The following GSE1 variants were observed in gnomAD, a reference collection of about 807,000 sequenced individuals.
GSE1 encodes genetic suppressor element 1.
Under a neutral mutation model 112.6 loss-of-function variants are expected in GSE1, and 32 were observed. That is an observed-to-expected ratio of 0.28 (90% CI 0.21 to 0.38). The LOEUF is 0.38. Ranked by LOEUF, GSE1 falls within the 10% of genes least tolerant of loss-of-function variation. GSE1 has a pLI of 1.00. For missense variants in GSE1, 2,348 were observed against 1,699.2 expected (o/e 1.38, Z -6.71); for synonymous variants, 1,115 against 735.6 (o/e 1.52, Z -8.35).
In GSE1 at chr16:85,182,799, T is replaced by C. The variant is rs2074617471; in HGVS notation, c.2283+10992T>C. Among the ~76,000 whole-genome samples, 4 of 152,006 alleles carry C rather than the reference T, an allele frequency of 2.6e-5. No homozygotes were observed. In the South Asian group the frequency reaches 8.3e-4, roughly 32 times the overall value. Reference sequence around the variant, plus strand: ...GTGGATTGTTGACGGCTGCATGAGATGGGAGTGAAGCCCCTCCTGCCCCAG... The same window carrying C: ...GTGGATTGTTGACGGCTGCATGAGACGGGAGTGAAGCCCCTCCTGCCCCAG... On this transcript the variant is annotated intron_variant, in intron 1 of 2. Transcript: ENST00000637419.
chr16:85,656,986 A>G (rs1431676004), intron 7 of GSE1, among the ~76,000 whole-genome samples: 1 of 152,222 alleles, frequency 6.6e-6, no homozygotes, highest in African/African-American at 2.4e-5. Flanking sequence ...CAGCTTTTGC[A>G]TGTTTCCCGG....
At chr16:85,613,122 T>G, upstream of GSE1, 3 of 1,134,240 alleles carry the variant, frequency 2.6e-6, no homozygotes, top group South Asian at 4.0e-5. Flanking sequence ...GCCTGTGTGT[T>G]TGCGGCTGAA....
chr16:85,459,391 G>T (rs1469765680), intron 2 of GSE1, among the ~76,000 whole-genome samples: 1 of 152,216 alleles, frequency 6.6e-6, no homozygotes, highest in Admixed American at 6.5e-5. Flanking sequence ...AGTGACTTTG[G>T]GTTTCAGCTC....
In GSE1 at chr16:85,673,955, C is replaced by A. The variant is rs1355456964; in HGVS notation, c.*1416C>A. ...CTGAGCTGAACCCCTCCTTTTTGAACTTACTGTGACAAGCACAGGAACGGT... is the reference window on the plus strand; with the variant it reads ...CTGAGCTGAACCCCTCCTTTTTGAAATTACTGTGACAAGCACAGGAACGGT... On this transcript the variant is annotated 3_prime_UTR_variant, in exon 16 of 16. Transcript: ENST00000253458. 6.6e-6 allele frequency: 1 copy of A among 152,288 alleles called. No individual in the cohort carries two copies. Among genetic ancestry groups the A allele is most frequent in the Non-Finnish European group, 1.5e-5 (1 of 68,054 alleles). The allele number at this position is 152,288 out of a possible 1,614,324, so 9.4% of individuals were successfully genotyped here.
At chr16:85,170,037 C>T (rs1465266855) in exon 1 of GSE1, 2 of 984,674 alleles carry the variant, frequency 2.0e-6, no homozygotes, top group Non-Finnish European at 2.4e-6. Context: ...CGCGAGACTC[C>T]GACCTGTCGG....
intron 2 of GSE1, among the ~76,000 whole-genome samples, chr16:85,388,296 A>G (rs866043057): frequency 0.021 from 348 of 16,508 alleles, 29 homozygotes; most frequent in Non-Finnish European, 0.03. Context: ...GGGTGGGTGG[A>G]TGGATGGATG....
intron 1 of GSE1, among the ~76,000 whole-genome samples, chr16:85,354,435 G>A (rs2151566035): frequency 6.6e-6 from 1 of 152,358 alleles, no homozygotes; most frequent in Middle Eastern, 3.4e-3. Context: ...AAAAAGGGTT[G>A]TTTTCTCTTT....
intron 2 of GSE1, among the ~76,000 whole-genome samples, chr16:85,399,265 G>A (rs866185911): frequency 2.0e-5 from 3 of 152,126 alleles, no homozygotes; most frequent in Admixed American, 6.5e-5. Flanking sequence ...ATGGTAGGCT[G>A]CCTCGTCTGC....
At chr16:85,651,073 C>CT in intron 3 of GSE1, among the ~76,000 whole-genome samples, 1 of 130,418 alleles carries the variant, frequency 7.7e-6, no homozygotes, top group African/African-American at 2.9e-5. Flanking sequence ...CCCTCCGCCC[C>CT]TCCTCCCCCT....
intron 1 of GSE1, among the ~76,000 whole-genome samples, chr16:85,242,668 G>A (rs188161114): frequency 7.2e-5 from 11 of 152,290 alleles, no homozygotes; most frequent in Admixed American, 2.6e-4. Context: ...GGAGGTATAC[G>A]ACAGCGACCC....
At chr16:85,423,388 C>T (rs1330636716) in intron 2 of GSE1, among the ~76,000 whole-genome samples, 1 of 152,224 alleles carries the variant, frequency 6.6e-6, no homozygotes, top group Non-Finnish European at 1.5e-5. Flanking sequence ...CATTCTGCTG[C>T]ACCTGAGATC....
Position 85,613,404 on chromosome 16 carries a change from C to T in GSE1, c.7+6C>T, listed in dbSNP as rs2048129232. On this transcript the variant is annotated splice_donor_region_variant and intron_variant, in intron 1 of 15. Coordinates refer to ENST00000253458, the MANE Select transcript of GSE1 (RefSeq NM_014615.5). ...GCGGGGCCCTGGCATGAAAGGTGAG[C>T]GCGCCGCACCCGGCCGGGGACGGGG... is the stretch of plus-strand genomic sequence containing the variant. 9 of 1,558,916 alleles carry T rather than the reference C, an allele frequency of 5.8e-6. No homozygotes were observed. Among genetic ancestry groups the T allele is most frequent in the Non-Finnish European group, 7.8e-6 (9 of 1,152,718 alleles).
intron 1 of GSE1, chr16:85,595,827 C>T (rs2047199749): frequency 7.9e-6 from 1 of 125,878 alleles, no homozygotes; most frequent in Non-Finnish European, 1.7e-5. Context: ...CACCCACCCA[C>T]CCACTCTTCC....
intron 2 of GSE1, among the ~76,000 whole-genome samples, chr16:85,481,365 G>C (rs781504039): frequency 1.3e-5 from 2 of 152,238 alleles, no homozygotes; most frequent in Non-Finnish European, 2.9e-5. Context: ...GGAAGAGGCA[G>C]GGGTTAACTC....
rs780973790 is a variant in GSE1, at chr16:85,300,221, A to G, written c.2284-57242A>G. Among the ~76,000 whole-genome samples, 42 of 152,170 alleles carry G rather than the reference A, an allele frequency of 2.8e-4. 1 individual carries two copies. The highest frequency in any genetic ancestry group is 5.9e-4 in the Non-Finnish European group (40 of 68,030). The stretch of plus-strand genomic sequence containing the variant: ...GAGACGGGGTTTCTCCATGTTGGTC[A>G]GGCTGGTCTCGAACTCCTGACCTCA... On this transcript the variant is annotated intron_variant, in intron 1 of 2. Transcript: ENST00000637419.
At chr16:85,181,104 C>T (rs1014868672) in intron 1 of GSE1, among the ~76,000 whole-genome samples, 4 of 152,214 alleles carry the variant, frequency 2.6e-5, no homozygotes, top group African/African-American at 9.7e-5. Flanking sequence ...GGTGTCAGCC[C>T]CAGCTTCCGC....
chr16:85,415,388 A>G (rs140556161), intron 2 of GSE1, among the ~76,000 whole-genome samples: 1 of 152,348 alleles, frequency 6.6e-6, no homozygotes, highest in Non-Finnish European at 1.5e-5. Context: ...GAACAAATGA[A>G]TGACTATATA....
intron 1 of GSE1, among the ~76,000 whole-genome samples, chr16:85,173,789 G>T (rs1341811173): frequency 6.6e-6 from 1 of 152,226 alleles, no homozygotes; most frequent in South Asian, 2.1e-4. Context: ...TGGGAAGGGG[G>T]AGTGGACAGT....
At chr16:85,585,917 C>A (rs1256680566) in intron 1 of GSE1, among the ~76,000 whole-genome samples, 1 of 152,166 alleles carries the variant, frequency 6.6e-6, no homozygotes, top group African/African-American at 2.4e-5. Context: ...AGCTGTGTGA[C>A]CTTGGGCAAG....
Sources: allele counts gnomAD v4.1 joint callset (sites outside exome capture counted in the v4.1 genomes callset), GRCh38; gene constraint gnomAD v4.1.1; transcripts MANE v1.5; gene names NCBI Gene and HGNC (gene_info 2026-07-23, HGNC 2026-07-21).